Variants in TRAF3 observed in about 807,000 individuals in gnomAD.
TRAF3 encodes TNF receptor-associated factor 3.
Under a neutral mutation model 62.3 loss-of-function variants are expected in TRAF3, and 13 were observed. The observed-to-expected ratio is 0.21, with a 90% CI of 0.14 to 0.33. The LOEUF (loss-of-function observed/expected upper bound fraction) is 0.33. TRAF3 is among the 10% of genes least tolerant of loss of function. The probability of loss-of-function intolerance (pLI) is 1.00; values close to 1 mark genes in which losing one functional copy is unlikely to be tolerated. For synonymous variants in TRAF3, 269 were observed against 283.4 expected (o/e 0.95, Z 0.51); for missense variants, 440 against 741.8 (o/e 0.59, Z 4.73).
chr14:102,846,216 A>G (rs1226763354), intron 2 of TRAF3, among the ~76,000 whole-genome samples: 2 of 152,106 alleles, frequency 1.3e-5, no homozygotes, highest in African/African-American at 4.8e-5. Context: ...AGTGATTGAG[A>G]TAGCTGTACC....
rs1269573227 is a variant in TRAF3, at chr14:102,908,227, C to T, written c.*2443C>T. ...CCTGGCGGGACGCCATGGGGCCCAC[C>T]TGAGGGTCCCACAGACGTAACCTGA... On this transcript the variant is annotated 3_prime_UTR_variant, in exon 12 of 12. Transcript: ENST00000392745. 1 of 152,314 alleles carries T rather than the reference C, an allele frequency of 6.6e-6. No individual in the cohort carries two copies. The highest frequency in any genetic ancestry group is 1.5e-5 in the Non-Finnish European group (1 of 68,074). 9.4% of individuals were successfully genotyped at this position (152,314 alleles called of 1,614,324 possible).
intron 1 of TRAF3, among the ~76,000 whole-genome samples, chr14:102,823,235 C>G (rs1015673334): frequency 6.6e-6 from 1 of 152,084 alleles, no homozygotes; most frequent in African/African-American, 2.4e-5. Context: ...GGCTTATTTT[C>G]GTTCTTGTGA....
chr14:102,898,254 AT>A (rs1405405747), intron 10 of TRAF3, among the ~76,000 whole-genome samples: 6 of 152,240 alleles, frequency 3.9e-5, no homozygotes, highest in Non-Finnish European at 8.8e-5. Context: ...TATTAAATTA[AT>A]TTCATTTTTA....
intron 2 of TRAF3, among the ~76,000 whole-genome samples, chr14:102,848,105 C>G (rs1042681256): frequency 6.6e-6 from 1 of 152,120 alleles, no homozygotes; most frequent in African/African-American, 2.4e-5. Context: ...TTTTTTGATA[C>G]AAGAACTATT....
At chr14:102,791,093 C>T (rs1209255929) in intron 1 of TRAF3, among the ~76,000 whole-genome samples, 1 of 150,676 alleles carries the variant, frequency 6.6e-6, no homozygotes, top group Non-Finnish European at 1.5e-5. Context: ...AGTCTCGGCT[C>T]ACTGCAACCT....
At chr14:102,810,101 G>C (rs55646859) in intron 1 of TRAF3, among the ~76,000 whole-genome samples, 3,938 of 152,234 alleles carry the variant, frequency 0.026, 147 homozygotes, top group African/African-American at 0.088. Flanking sequence ...GTTACTGTCT[G>C]GCTCTTTATG....
chr14:102,781,109 C>T (rs897691238), intron 1 of TRAF3, among the ~76,000 whole-genome samples: 2 of 152,146 alleles, frequency 1.3e-5, no homozygotes, highest in Non-Finnish European at 2.9e-5. Flanking sequence ...TTCTGGGAAG[C>T]GGCGTTGAGT....
intron 1 of TRAF3, among the ~76,000 whole-genome samples, chr14:102,785,223 G>C (rs993833116): frequency 6.6e-6 from 1 of 152,118 alleles, no homozygotes; most frequent in African/African-American, 2.4e-5. Flanking sequence ...TCCAACATCT[G>C]TTTTGCCTAT....
chr14:102,868,213 A>G (rs1888117504), intron 2 of TRAF3, among the ~76,000 whole-genome samples: 2 of 152,326 alleles, frequency 1.3e-5, no homozygotes, highest in Non-Finnish European at 2.9e-5. Context: ...TCCTCTGTTC[A>G]CCTGAGGCTT....
intron 1 of TRAF3, among the ~76,000 whole-genome samples, chr14:102,829,618 C>T (rs1224389531): frequency 6.6e-6 from 1 of 152,192 alleles, no homozygotes; most frequent in Non-Finnish European, 1.5e-5. Flanking sequence ...GCTCCTGGCA[C>T]AGCTTTCTAT....
intron 2 of TRAF3, among the ~76,000 whole-genome samples, chr14:102,854,908 A>G (rs1361144353): frequency 6.6e-6 from 1 of 151,882 alleles, no homozygotes; most frequent in Non-Finnish European, 1.5e-5. Context: ...GTACATTCAC[A>G]GTGTTCTGCA....
intron 2 of TRAF3, among the ~76,000 whole-genome samples, chr14:102,869,081 G>A (rs961110503): frequency 7.2e-5 from 11 of 152,172 alleles, no homozygotes; most frequent in African/African-American, 2.7e-4. Context: ...ACCTGAACCC[G>A]AGCCCCCTCA....
chr14:102,782,211 A>C (rs978776496), intron 1 of TRAF3, among the ~76,000 whole-genome samples: 3 of 151,928 alleles, frequency 2.0e-5, no homozygotes, highest in Non-Finnish European at 2.9e-5. Flanking sequence ...CTGGGACTAC[A>C]GGTGTGTAGT....
At chr14:102,874,558 C>T (rs1888534178) in intron 4 of TRAF3, among the ~76,000 whole-genome samples, 1 of 151,926 alleles carries the variant, frequency 6.6e-6, no homozygotes, top group Non-Finnish European at 1.5e-5. Flanking sequence ...TGTTCCCAGT[C>T]AACCCTGTCT....
intron 1 of TRAF3, among the ~76,000 whole-genome samples, chr14:102,780,392 A>C (rs1489406450): frequency 6.6e-6 from 1 of 152,190 alleles, no homozygotes; most frequent in African/African-American, 2.4e-5. Context: ...ATTAAAATAC[A>C]AAATGGCTTT....
chr14:102,792,174 G>A (rs1479759840), intron 1 of TRAF3, among the ~76,000 whole-genome samples: 1 of 142,444 alleles, frequency 7.0e-6, no homozygotes, highest in African/African-American at 2.7e-5. Context: ...GCCCAGGCTG[G>A]AGTACAGTGA....
At chr14:102,824,544 A>AT (rs1364899125) in intron 1 of TRAF3, among the ~76,000 whole-genome samples, 2 of 152,212 alleles carry the variant, frequency 1.3e-5, no homozygotes, top group African/African-American at 4.8e-5. Context: ...GATTACTTGG[A>AT]TTTTTTCTTG....
intron 2 of TRAF3, among the ~76,000 whole-genome samples, chr14:102,860,970 G>A (rs551721303): frequency 6.6e-6 from 1 of 152,342 alleles, no homozygotes; most frequent in South Asian, 2.1e-4. Flanking sequence ...GTGGTCTTTG[G>A]GCAAGATGGT....
At chr14:102,846,444 A>G (rs183295938) in intron 2 of TRAF3, among the ~76,000 whole-genome samples, 2 of 152,238 alleles carry the variant, frequency 1.3e-5, no homozygotes, top group African/African-American at 4.8e-5. Context: ...TGGTTTTTAT[A>G]TAAGTTATGT....
Sources: gnomAD v4.1 joint callset for allele counts (sites outside exome capture counted in the v4.1 genomes callset) on GRCh38, gnomAD v4.1.1 for gene constraint, MANE v1.5 for transcripts, NCBI Gene and HGNC (gene_info 2026-07-23, HGNC 2026-07-21) for gene names.